The following DDX5 variants were observed in gnomAD, a reference collection of about 807,000 sequenced individuals.
The protein encoded by DDX5 is DEAD-box helicase 5, also known as probable ATP-dependent RNA helicase DDX5.
A neutral mutation model predicts 68.6 loss-of-function variants in DDX5; 6 were observed. The observed-to-expected ratio is 0.09, with a 90% CI of 0.05 to 0.17. The LOEUF is 0.17. Among genes scored for constraint, DDX5 ranks in the 10% least tolerant of loss-of-function variants. The pLI is 1.00. For synonymous variants in DDX5, 350 were observed against 247.0 expected, an observed-to-expected ratio of 1.42 and a Z score of -3.91; for missense variants, 499 against 756.1, an observed-to-expected ratio of 0.66 and a Z score of 3.99.
In DDX5 at chr17:64,504,115, T is replaced by C. The variant is rs1555671636; in HGVS notation, c.309A>G (p.Ala103=). ...VLNFYEANFP[A]NVMDVIARQN... The stretch of plus-strand genomic sequence containing the variant: ...GTCTTGCAATAACATCCATGACATT[T>C]GCTATAATTAGTAACAGATATTTAG... The change falls in exon 4 of 13, where the codon GCA becomes GCG. Residue 103 remains alanine, a splice_region_variant and synonymous_variant. Transcript: ENST00000225792. 1.2e-6 allele frequency: 2 copies of C among 1,614,122 alleles called. No homozygotes were observed. Among genetic ancestry groups the C allele is most frequent in the East Asian group, 4.5e-5 (2 of 44,884 alleles).
Position 64,504,828 on chromosome 17 carries a change from C to T in DDX5, c.59G>A (p.Arg20Gln), listed in dbSNP as rs781913395. ...GGGCCCTGCCCTACTTCCTCCAAAT[C>T]GAGGTGCACCAAACCTGGAATGAAA... ...RGRDRGFGAP[R>Q]FGGSRAGPLS... is the part of the protein sequence containing the mutation. The change falls in exon 2 of 13, where the codon CGA (arginine) becomes CAA (glutamine). Residue 20 changes from arginine (R) to glutamine (Q), a missense_variant. Physicochemically the swap from Arg to Gln is conservative, Grantham distance 43 (BLOSUM62 1). Coordinates refer to ENST00000225792, the MANE Select transcript of DDX5 (RefSeq NM_004396.5). 1 of 1,601,920 alleles carries T rather than the reference C, an allele frequency of 6.2e-7. No individual in the cohort carries two copies. The highest frequency in any genetic ancestry group is 8.5e-7 in the Non-Finnish European group (1 of 1,176,836).
At chr17:64,501,091 G>GTA in intron 11 of DDX5, 1 of 352,244 alleles carries the variant, frequency 2.8e-6, no homozygotes, top group Non-Finnish European at 5.3e-6. Flanking sequence ...CTTCTGCGCA[G>GTA]TAGGGCCACT....
At position 64,499,294 on chromosome 17, in the gene DDX5, T is replaced by A. The variant is rs2038235104; in HGVS notation, c.*629A>T. On this transcript the variant is annotated 3_prime_UTR_variant, in exon 13 of 13. Transcript: ENST00000225792. ...CTATATAGATGACTTTGTATCTATT[T>A]TACTATTTTCTCATTTAACCATACT... Among the ~76,000 whole-genome samples the A allele has an allele frequency of 6.6e-6, 1 of 152,218 alleles. No homozygotes were observed. The highest frequency in any genetic ancestry group is 6.5e-5 in the Admixed American group (1 of 15,278).
At chr17:64,502,327 A>G (rs972202100) in intron 9 of DDX5, 104 bp from the exon 10 acceptor site, 1 of 1,483,076 alleles carries the variant, frequency 6.7e-7, no homozygotes, top group South Asian at 1.2e-5. Flanking sequence ...GCCAGAAATG[A>G]AAAAGTTAAA....
At position 64,499,261 on chromosome 17, in the gene DDX5, T is replaced by C. The variant is rs1210220522; in HGVS notation, c.*662A>G. On this transcript the variant is annotated 3_prime_UTR_variant, in exon 13 of 13. Coordinates refer to ENST00000225792, the MANE Select transcript of DDX5 (RefSeq NM_004396.5). ...ATAAACTTTGAAAAAGTCACCCACG[T>C]TCTCACACTATATAGATGACTTTGT... is the stretch of plus-strand genomic sequence containing the variant. 6.6e-6 allele frequency among the ~76,000 whole-genome samples: 1 copy of C among 152,160 alleles called. No homozygotes were observed. Among genetic ancestry groups the C allele is most frequent in the Non-Finnish European group, 1.5e-5 (1 of 68,022 alleles).
At chr17:64,505,989 A>G in intron 1 of DDX5, 87 bp downstream of exon 1, 3 of 1,542,640 alleles carry the variant, frequency 1.9e-6, no homozygotes, top group Non-Finnish European at 2.6e-6. Flanking sequence ...GCCAAGTCCA[A>G]GCCGCAAAGC....
Position 64,503,269 on chromosome 17 carries a change from G to A in DDX5, c.729C>T (p.Thr243=), listed in dbSNP as rs1555671440. 1.9e-6 allele frequency: 3 copies of A among 1,614,146 alleles called. No individual in the cohort carries two copies. The highest frequency in any genetic ancestry group is 1.7e-5 in the Admixed American group (1 of 60,028). Residue 243 remains threonine, a synonymous_variant, in exon 7 of 13, where the codon ACC becomes ACT. Transcript: ENST00000225792. The part of the protein sequence containing the change: ...ECGKTNLRRT[T]YLVLDEADRM... ...TATCTGCTTCATCAAGGACAAGGTA[G>A]GTTGTTCTTCTCAGATTGGTTTTTC... is the stretch of plus-strand genomic sequence containing the variant.
chr17:64,506,596 T>C (rs1375081960), upstream of DDX5: 10 of 374,298 alleles, frequency 2.7e-5, no homozygotes, highest in African/African-American at 4.1e-5. Context: ...CACTCGGAGA[T>C]GTTTACGTCT....
intron 5 of DDX5, 40 bp from the exon 6 acceptor site, chr17:64,503,611 CTAGTTT>C (rs782052812): frequency 1.2e-6 from 2 of 1,608,844 alleles, no homozygotes. Context: ...AACCTGGATA[CTAGTTT>C]TAAACTGCTA....
At chr17:64,500,947 G>C (rs1365113638) in intron 11 of DDX5, 174 bp from the exon 12 acceptor site, 3 of 601,266 alleles carry the variant, frequency 5.0e-6, no homozygotes, top group African/African-American at 3.7e-5. Context: ...GTTGAAAAAA[G>C]AAAAAAAAGC....
In DDX5 at chr17:64,503,518, A is replaced by T; in HGVS notation, c.561T>A (p.Ala187=). The T allele has an allele frequency of 6.2e-7, 1 of 1,614,266 alleles. No individual in the cohort carries two copies. The change falls in exon 6 of 13, where the codon GCT becomes GCA. Residue 187 remains alanine (A), a synonymous_variant. Coordinates refer to ENST00000225792, the MANE Select transcript of DDX5 (RefSeq NM_004396.5). Reference sequence around the variant, plus strand: ...AGCGACATGCTCTACAATATTCAGCAGCTACTTGCTGCACCTGTTGGGCCA... The same window carrying T: ...AGCGACATGCTCTACAATATTCAGCTGCTACTTGCTGCACCTGTTGGGCCA... ...RELAQQVQQV[A]AEYCRACRLK...
At chr17:64,506,020 A>AGGGGC in intron 1 of DDX5, 56 bp downstream of exon 1, 9 of 867,954 alleles carry the variant, frequency 1.0e-5, no homozygotes, top group Middle Eastern at 4.0e-4. Flanking sequence ...CGCCACCCTG[A>AGGGGC]CCCGCCCTCC....
At chr17:64,505,694 C>T in intron 1 of DDX5, 3 of 1,517,644 alleles carry the variant, frequency 2.0e-6, no homozygotes, top group Non-Finnish European at 2.7e-6. Context: ...GTGGTCCCCT[C>T]GCTCCCACAG....
intron 1 of DDX5, chr17:64,505,568 G>A (rs920148727): frequency 2.5e-5 from 17 of 678,520 alleles, no homozygotes; most frequent in Non-Finnish European, 3.6e-5. Context: ...CTCCTCCGCC[G>A]GGCGGGGTAA....
In DDX5 at chr17:64,504,231, T is replaced by A. The variant is rs1555671669; in HGVS notation, c.298A>T (p.Asn100Tyr). ...PKPVLNFYEANFPANVMDVIA... is the reference protein window; with the variant it reads ...PKPVLNFYEAYFPANVMDVIA... ...GAAAAGTAGCACTTACCAGGGAAAT[T>A]GGCTTCATAAAAATTTAGAACTGGC... Residue 100 changes from asparagine (N) to tyrosine (Y), a missense_variant, in exon 3 of 13, where the codon AAT (asparagine) becomes TAT (tyrosine). Asn to Tyr is a moderately radical substitution (Grantham distance 143). Transcript: ENST00000225792. 6.2e-7 allele frequency: 1 copy of A among 1,613,968 alleles called. No homozygotes were observed. Among genetic ancestry groups the A allele is most frequent in the African/African-American group, 1.3e-5 (1 of 74,908 alleles).
rs2038435765 is a variant in DDX5, at chr17:64,505,373, A to G, written c.45-531T>C. The G allele has an allele frequency of 9.0e-6, 4 of 445,394 alleles. No homozygotes were observed. The South Asian group carries it at 1.1e-4, about 12-fold the overall frequency. 27.6% of individuals were successfully genotyped at this position (445,394 alleles called of 1,614,324 possible). On this transcript the variant is annotated intron_variant, in intron 1 of 12. Transcript: ENST00000225792. ...CCCAGCTGGGGGAACGCCGCGGTAG[A>G]GCTCCGGATCAACGAATCAAAATTA...
chr17:64,501,382 G>A (rs1366718141), intron 11 of DDX5: 1 of 158,616 alleles, frequency 6.3e-6, no homozygotes, highest in Non-Finnish European at 1.4e-5. Flanking sequence ...CTACTGTGTA[G>A]GTGAGGGAGG....
chr17:64,501,941 A>G, intron 11 of DDX5, 69 bp downstream of exon 11: 1 of 1,491,268 alleles, frequency 6.7e-7, no homozygotes, highest in Non-Finnish European at 9.3e-7. Context: ...GAAAGCAATA[A>G]ACTTTCTTTA....
upstream of DDX5, chr17:64,506,460 G>C (rs1043997956): frequency 3.4e-5 from 42 of 1,245,674 alleles, no homozygotes; most frequent in South Asian, 7.9e-5. Flanking sequence ...CACTCTCTCA[G>C]GTCAGGGCCC....
Sources: allele counts gnomAD v4.1 joint callset (sites outside exome capture counted in the v4.1 genomes callset), GRCh38; gene constraint gnomAD v4.1.1; transcripts MANE v1.5; gene names NCBI Gene and HGNC (gene_info 2026-07-23, HGNC 2026-07-21).